SIL1: variants seen among roughly 807,000 people sequenced by gnomAD.
SIL1 encodes SIL1 nucleotide exchange factor.
Under a neutral mutation model 49.1 loss-of-function variants are expected in SIL1, and 40 were observed. The observed-to-expected ratio is 0.81, with a 90% CI of 0.63 to 1.06. The LOEUF (loss-of-function observed/expected upper bound fraction) is 1.06. SIL1 is among the 50% of genes least tolerant of loss of function. The pLI, the probability that SIL1 is intolerant of heterozygous loss-of-function variation, is 0.00. For missense variants in SIL1, 500 were observed against 572.6 expected, an observed-to-expected ratio of 0.87 and a Z score of 1.29; for synonymous variants, 253 against 250.8, an observed-to-expected ratio of 1.01 and a Z score of -0.08.
At chr5:139,096,732 G>A (rs1304615680) in intron 3 of SIL1, among the ~76,000 whole-genome samples, 4 of 151,888 alleles carry the variant, frequency 2.6e-5, no homozygotes, top group African/African-American at 9.7e-5. Flanking sequence ...GCCTTAAAGG[G>A]AAGGACCCAG....
intron 7 of SIL1, among the ~76,000 whole-genome samples, chr5:138,999,205 A>G (rs1415887262): frequency 6.6e-6 from 1 of 152,154 alleles, no homozygotes; most frequent in African/African-American, 2.4e-5. Flanking sequence ...TATCCACACT[A>G]TATCATGTCC....
chr5:139,051,973 T>C (rs1363775468), intron 3 of SIL1, among the ~76,000 whole-genome samples: 1 of 152,306 alleles, frequency 6.6e-6, no homozygotes, highest in East Asian at 1.9e-4. Flanking sequence ...GAAGCAAAGA[T>C]GGTGCTTCTG....
rs149121585 is a variant in SIL1, at chr5:139,111,674, C to T, written c.244+9361G>A. 2.6e-4 allele frequency among the ~76,000 whole-genome samples: 39 copies of T among 152,314 alleles called. No homozygotes were observed. In the East Asian group the frequency reaches 3.1e-3, roughly 12 times the overall value. On this transcript the variant is annotated intron_variant, in intron 3 of 9. Coordinates refer to ENST00000394817, the MANE Select transcript of SIL1 (RefSeq NM_022464.5). ...TGAACAAGTTTTTTGATATGGCTATCGCTAACTGAAATTGCCCTTTCAGTT... is the reference window on the plus strand; with the variant it reads ...TGAACAAGTTTTTTGATATGGCTATTGCTAACTGAAATTGCCCTTTCAGTT...
At chr5:139,055,822 C>T (rs1407138766) in intron 3 of SIL1, among the ~76,000 whole-genome samples, 1 of 150,920 alleles carries the variant, frequency 6.6e-6, no homozygotes, top group East Asian at 2.0e-4. Context: ...AGGCACGCGC[C>T]GCCACGCCTG....
chr5:139,171,328 G>A (rs1251674447), intron 1 of SIL1, among the ~76,000 whole-genome samples: 1 of 152,104 alleles, frequency 6.6e-6, no homozygotes, highest in Non-Finnish European at 1.5e-5. Context: ...AAGTAGACAT[G>A]GGAGACTTTT....
intron 3 of SIL1, among the ~76,000 whole-genome samples, chr5:139,083,816 C>T (rs1581087043): frequency 9.1e-5 from 2 of 21,944 alleles, no homozygotes; most frequent in East Asian, 1.4e-3. Flanking sequence ...GGTTTTAGGT[C>T]TAACGTTTAA....
chr5:138,985,845 G>A (rs1028232786), intron 7 of SIL1, among the ~76,000 whole-genome samples: 29 of 152,168 alleles, frequency 1.9e-4, no homozygotes, highest in Non-Finnish European at 2.2e-4. Context: ...GGGCGGGAAC[G>A]TGGACTTCCT....
intron 7 of SIL1, among the ~76,000 whole-genome samples, chr5:138,993,818 C>G (rs1293871794): frequency 6.6e-6 from 1 of 152,206 alleles, no homozygotes; most frequent in Non-Finnish European, 1.5e-5. Flanking sequence ...TAGACCCTAG[C>G]TCCAGCTGAC....
intron 6 of SIL1, 144 bp from the exon 7 acceptor site, chr5:139,021,436 T>G: frequency 8.3e-7 from 1 of 1,208,880 alleles, no homozygotes; most frequent in Non-Finnish European, 1.2e-6. Context: ...AGAAAAGGTT[T>G]GTAAAAACCA....
At chr5:139,004,535 T>G (rs1768066334) in intron 7 of SIL1, among the ~76,000 whole-genome samples, 1 of 152,186 alleles carries the variant, frequency 6.6e-6, no homozygotes, top group South Asian at 2.1e-4. Context: ...TCTTAACCTC[T>G]TTTTTCATTT....
intron 5 of SIL1, 80 bp downstream of exon 5, chr5:139,042,540 C>A: frequency 8.7e-7 from 1 of 1,148,100 alleles, no homozygotes; most frequent in East Asian, 2.3e-5. Flanking sequence ...GCAAGAGTTC[C>A]CATAAAAATG....
intron 1 of SIL1, among the ~76,000 whole-genome samples, chr5:139,139,920 G>A (rs1751048330): frequency 6.6e-6 from 1 of 152,088 alleles, no homozygotes; most frequent in Non-Finnish European, 1.5e-5. Flanking sequence ...CCCGAGGTCA[G>A]GAGTTCAAGA....
At chr5:139,088,349 T>C in intron 3 of SIL1, among the ~76,000 whole-genome samples, 1 of 152,216 alleles carries the variant, frequency 6.6e-6, no homozygotes, top group African/African-American at 2.4e-5. Context: ...AAAGCCTTTC[T>C]AATAAGTGGG....
In SIL1 at chr5:139,084,845, C is replaced by G. The variant is rs184915451; in HGVS notation, c.245-33799G>C. 3.9e-3 allele frequency among the ~76,000 whole-genome samples: 591 copies of G among 152,274 alleles called. 4 individuals carry two copies. Among genetic ancestry groups the G allele is most frequent in the Admixed American group, 6.0e-3 (92 of 15,302 alleles). On this transcript the variant is annotated intron_variant, in intron 3 of 9. Transcript: ENST00000394817. ...AATGTTACAGGAATATATTCTCACA[C>G]TGTAATTCCCATAATCATCATTTCT...
chr5:139,070,026 G>A (rs528045193), intron 3 of SIL1, among the ~76,000 whole-genome samples: 173 of 152,104 alleles, frequency 1.1e-3, no homozygotes, highest in African/African-American at 3.0e-3. Context: ...TAAGACCGGC[G>A]GTAAACATTA....
chr5:139,113,769 G>A (rs536175044), intron 3 of SIL1, among the ~76,000 whole-genome samples: 1 of 152,224 alleles, frequency 6.6e-6, no homozygotes, highest in Non-Finnish European at 1.5e-5. Flanking sequence ...ATTAGAAAAG[G>A]AAGCAAAGTC....
intron 3 of SIL1, among the ~76,000 whole-genome samples, chr5:139,059,880 C>G (rs1315772664): frequency 2.0e-5 from 3 of 152,200 alleles, no homozygotes; most frequent in Non-Finnish European, 4.4e-5. Context: ...GAAACCTGCT[C>G]TTATTATCTA....
chr5:138,973,232 A>G (rs1352472912), intron 7 of SIL1, among the ~76,000 whole-genome samples: 1 of 150,512 alleles, frequency 6.6e-6, no homozygotes, highest in Non-Finnish European at 1.5e-5. Context: ...AAGGTTGTGT[A>G]AGAATAAAGT....
chr5:139,047,013 G>C (rs543465890), intron 4 of SIL1, among the ~76,000 whole-genome samples: 1 of 152,196 alleles, frequency 6.6e-6, no homozygotes, highest in Admixed American at 6.5e-5. Flanking sequence ...TGCCTGGCAC[G>C]TGGGCACTCA....
Sources: gnomAD v4.1 joint callset for allele counts (sites outside exome capture counted in the v4.1 genomes callset) on GRCh38, gnomAD v4.1.1 for gene constraint, MANE v1.5 for transcripts, NCBI Gene and HGNC (gene_info 2026-07-23, HGNC 2026-07-21) for gene names.